The following DPYSL3 variants were observed in gnomAD, a reference collection of about 807,000 sequenced individuals.
DPYSL3 encodes dihydropyrimidinase-related protein 3.
A neutral mutation model predicts 66.1 loss-of-function variants in DPYSL3; 16 were observed. The ratio of observed to expected loss-of-function variants is 0.24; its 90% CI spans 0.16 to 0.37. The LOEUF is 0.37. DPYSL3 is among the 10% of genes least tolerant of loss of function. The pLI, the probability that DPYSL3 is intolerant of heterozygous loss-of-function variation, is 1.00. For missense variants in DPYSL3, 738 were observed against 916.2 expected (o/e 0.81, Z 2.51); for synonymous variants, 338 against 345.1 (o/e 0.98, Z 0.23).
At chr5:147,461,857 C>T (rs1381316434) in intron 1 of DPYSL3, among the ~76,000 whole-genome samples, 4 of 152,174 alleles carry the variant, frequency 2.6e-5, no homozygotes, top group Non-Finnish European at 5.9e-5. Context: ...ATTAGCACAA[C>T]TTCCACGTTG....
rs182082377 is a variant in DPYSL3 at position 147,450,879 on chromosome 5, T to C, written c.382-25916A>G. Among the ~76,000 whole-genome samples the C allele has an allele frequency of 8.1e-4, 124 of 152,250 alleles. 1 individual carries two copies. Among genetic ancestry groups the C allele is most frequent in the African/African-American group, 2.8e-3 (118 of 41,546 alleles). On this transcript the variant is annotated intron_variant, in intron 1 of 13. Coordinates refer to ENST00000343218, the MANE Select transcript of DPYSL3 (RefSeq NM_001197294.2). ...CTGCCTTCACAGAAAGGAATAGAGG[T>C]GGCATAGAAAATTCAATTCAAATTC...
Position 147,505,467 on chromosome 5 carries a change from C to T in DPYSL3, c.381+4011G>A, listed in dbSNP as rs553263665. Among the ~76,000 whole-genome samples, 7 of 152,254 alleles carry T rather than the reference C, an allele frequency of 4.6e-5. No homozygotes were observed. In the South Asian group the frequency reaches 1.5e-3, roughly 32 times the overall value. On this transcript the variant is annotated intron_variant, in intron 1 of 13. Transcript: ENST00000343218. ...GCTAGGCTGTTCTCAAACTCCTGAC[C>T]TCAAGTGATCTGCCCAGCTTGGCTT... is the stretch of plus-strand genomic sequence containing the variant.
intron 1 of DPYSL3, among the ~76,000 whole-genome samples, chr5:147,432,328 A>T (rs533138410): frequency 2.0e-5 from 3 of 152,316 alleles, no homozygotes; most frequent in East Asian, 3.9e-4. Context: ...AGCCCAGGGC[A>T]GCATTAATCA....
chr5:147,443,373 C>T (rs1752570330), intron 1 of DPYSL3, among the ~76,000 whole-genome samples: 1 of 152,096 alleles, frequency 6.6e-6, no homozygotes, highest in African/African-American at 2.4e-5. Flanking sequence ...AGCAAGCTAA[C>T]ACAGGAACAG....
intron 1 of DPYSL3, among the ~76,000 whole-genome samples, chr5:147,490,411 T>A (rs2126446359): frequency 6.6e-6 from 1 of 152,256 alleles, no homozygotes; most frequent in South Asian, 2.1e-4. Context: ...CAAACATAAA[T>A]GTCCTATTAA....
chr5:147,409,908 T>C (rs1055842850), intron 6 of DPYSL3, among the ~76,000 whole-genome samples: 2 of 152,152 alleles, frequency 1.3e-5, no homozygotes, highest in Non-Finnish European at 2.9e-5. Flanking sequence ...TTTTTGTTTT[T>C]AGTAATAGAA....
At chr5:147,432,725 T>C (rs890206820) in intron 1 of DPYSL3, among the ~76,000 whole-genome samples, 6 of 152,246 alleles carry the variant, frequency 3.9e-5, no homozygotes, top group Non-Finnish European at 2.9e-5. Flanking sequence ...ACCTGCATGA[T>C]ATCTGACACA....
chr5:147,497,446 C>G (rs1468836747), intron 1 of DPYSL3, among the ~76,000 whole-genome samples: 1 of 151,984 alleles, frequency 6.6e-6, no homozygotes, highest in Non-Finnish European at 1.5e-5. Context: ...ATCAGTATCT[C>G]TAATGAACAA....
At chr5:147,403,930 A>C (rs1168932800) in intron 8 of DPYSL3, among the ~76,000 whole-genome samples, 1 of 152,110 alleles carries the variant, frequency 6.6e-6, no homozygotes, top group Admixed American at 6.5e-5. Flanking sequence ...TTGTCCATGA[A>C]GTTTAAAATA....
intron 1 of DPYSL3, among the ~76,000 whole-genome samples, chr5:147,491,423 G>A (rs1297067732): frequency 6.6e-6 from 1 of 152,178 alleles, no homozygotes; most frequent in East Asian, 1.9e-4. Flanking sequence ...AGAAAACCGA[G>A]TGTGAAGAGA....
chr5:147,402,330 G>T (rs1001656514), intron 8 of DPYSL3, among the ~76,000 whole-genome samples: 1 of 148,328 alleles, frequency 6.7e-6, no homozygotes, highest in Admixed American at 6.8e-5. Context: ...GTGGATTAGA[G>T]ACTCTCATGA....
intron 1 of DPYSL3, among the ~76,000 whole-genome samples, chr5:147,480,187 C>G (rs1220891248): frequency 6.6e-6 from 1 of 152,206 alleles, no homozygotes; most frequent in Non-Finnish European, 1.5e-5. Flanking sequence ...TTTGCCTGTT[C>G]CTGCCAGCAT....
chr5:147,409,531 C>T (rs1751801917), intron 6 of DPYSL3, among the ~76,000 whole-genome samples: 1 of 152,146 alleles, frequency 6.6e-6, no homozygotes, highest in Non-Finnish European at 1.5e-5. Context: ...TTCTGTTTAA[C>T]CAAGTTGTGG....
At chr5:147,445,083 T>C (rs1752606416) in intron 1 of DPYSL3, among the ~76,000 whole-genome samples, 2 of 152,178 alleles carry the variant, frequency 1.3e-5, no homozygotes, top group African/African-American at 4.8e-5. Context: ...AAAGACGACA[T>C]AAAGGTCTGC....
chr5:147,477,450 T>A (rs1753170252), intron 1 of DPYSL3, among the ~76,000 whole-genome samples: 1 of 151,392 alleles, frequency 6.6e-6, no homozygotes, highest in Admixed American at 6.6e-5. Context: ...AGCGGCAATA[T>A]TCACAGAGAT....
chr5:147,458,443 G>C (rs1172878899), intron 1 of DPYSL3, among the ~76,000 whole-genome samples: 1 of 152,162 alleles, frequency 6.6e-6, no homozygotes, highest in East Asian at 1.9e-4. Flanking sequence ...CATCAAGAAA[G>C]AATCATAAAA....
chr5:147,455,213 T>G (rs915109607), intron 1 of DPYSL3, among the ~76,000 whole-genome samples: 2 of 152,190 alleles, frequency 1.3e-5, no homozygotes, highest in Non-Finnish European at 2.9e-5. Flanking sequence ...ATACTCCGGC[T>G]TGGGCTTTCC....
chr5:147,509,875 C>T lies in DPYSL3; in HGVS notation c.-17G>A. 1.3e-6 allele frequency: 2 copies of T among 1,493,700 alleles called. No homozygotes were observed. The highest frequency in any genetic ancestry group is 1.8e-6 in the Non-Finnish European group (2 of 1,121,268). The allele number at this position is 1,493,700 out of a possible 1,614,324, so 92.5% of individuals were successfully genotyped here. A position where few individuals can be genotyped will look rare whatever the true frequency, so the allele number is the denominator to read the frequency against. On this transcript the variant is annotated 5_prime_UTR_variant, in exon 1 of 14. Coordinates refer to ENST00000343218, the MANE Select transcript of DPYSL3 (RefSeq NM_001197294.2). This position sits in a 1 kb window ranked among gnomAD's most constrained non-coding sequence, Gnocchi z 5.3. ...CGAGGCCATGGTTCAAGCACGAAAGCGGCCCGCGGGTTTTTCTTCCCCAGA... is the reference window on the plus strand; with the variant it reads ...CGAGGCCATGGTTCAAGCACGAAAGTGGCCCGCGGGTTTTTCTTCCCCAGA...
At position 147,453,743 on chromosome 5, in the gene DPYSL3, C is replaced by T. The variant is rs550640815; in HGVS notation, c.382-28780G>A. On this transcript the variant is annotated intron_variant, in intron 1 of 13. Coordinates refer to ENST00000343218, the MANE Select transcript of DPYSL3 (RefSeq NM_001197294.2). The stretch of plus-strand genomic sequence containing the variant: ...CGCCCGCCTCCGCCCCCCTCCCGGG[C>T]TCCCGCGGCGGCTGCCAGAGACAAT... The T allele has an allele frequency of 5.9e-5, 78 of 1,317,146 alleles. No homozygotes were observed. In the African/African-American group the frequency reaches 1.1e-3, roughly 19 times the overall value. The allele number at this position is 1,317,146 out of a possible 1,614,324, so 81.6% of individuals were successfully genotyped here.
Sources: gnomAD v4.1 joint callset for allele counts (sites outside exome capture counted in the v4.1 genomes callset) on GRCh38, gnomAD v4.1.1 for gene constraint, Gnocchi (gnomAD v3.1) non-coding constraint, MANE v1.5 for transcripts, NCBI Gene and HGNC (gene_info 2026-07-23, HGNC 2026-07-21) for gene names.